The following PPP2R2B variants were observed in gnomAD, a reference collection of about 807,000 sequenced individuals.
The protein encoded by PPP2R2B is protein phosphatase 2 regulatory subunit Bbeta, also known as serine/threonine-protein phosphatase 2A 55 kDa regulatory subunit B beta isoform.
PPP2R2B carries 5 observed loss-of-function variants against 46.0 expected under a neutral mutation model. That is an observed-to-expected ratio of 0.11 (90% CI 0.06 to 0.23). PPP2R2B has a LOEUF of 0.23. Ranked by LOEUF, PPP2R2B falls within the 10% of genes least tolerant of loss-of-function variation. The pLI is 1.00. For synonymous variants in PPP2R2B, 215 were observed against 206.7 expected (o/e 1.04, Z -0.34); for missense variants, 367 against 575.0 (o/e 0.64, Z 3.70).
chr5:146,716,652 C>T (rs1780517694), intron 2 of PPP2R2B, among the ~76,000 whole-genome samples: 1 of 152,204 alleles, frequency 6.6e-6, no homozygotes. Flanking sequence ...TACTACCCTG[C>T]ATTCAGACCT....
intron 2 of PPP2R2B, among the ~76,000 whole-genome samples, chr5:146,762,986 C>T (rs577434533): frequency 5.3e-5 from 8 of 152,296 alleles, no homozygotes; most frequent in Non-Finnish European, 7.3e-5. Flanking sequence ...TAATGTGCCC[C>T]GCACATCAGT....
At chr5:146,926,587 A>ATACC (rs1763790344) in intron 1 of PPP2R2B, among the ~76,000 whole-genome samples, 1 of 152,036 alleles carries the variant, frequency 6.6e-6, no homozygotes, top group South Asian at 2.1e-4. Flanking sequence ...CTGTGTCTGT[A>ATACC]TAGCCTTAGT....
chr5:146,913,907 C>T (rs570711080), intron 1 of PPP2R2B, among the ~76,000 whole-genome samples: 8 of 152,272 alleles, frequency 5.3e-5, no homozygotes, highest in African/African-American at 1.4e-4. Flanking sequence ...TTACTACTTA[C>T]GTGGTCTTTG....
At chr5:146,785,420 C>A (rs969179413) in intron 2 of PPP2R2B, among the ~76,000 whole-genome samples, 5 of 152,008 alleles carry the variant, frequency 3.3e-5, no homozygotes, top group Non-Finnish European at 5.9e-5. Flanking sequence ...TGGTAGTGCA[C>A]ACCTGTAATC....
chr5:146,713,929 G>A (rs1780342624), intron 2 of PPP2R2B, among the ~76,000 whole-genome samples: 1 of 152,102 alleles, frequency 6.6e-6, no homozygotes, highest in South Asian at 2.1e-4. Context: ...CAGGAGAGGG[G>A]ATTGAGCTGG....
chr5:146,790,093 T>C (rs1195419351), intron 2 of PPP2R2B, among the ~76,000 whole-genome samples: 1 of 152,186 alleles, frequency 6.6e-6, no homozygotes, highest in Non-Finnish European at 1.5e-5. Context: ...GGAAATAATG[T>C]AGTCTAGTTA....
At chr5:146,867,363 T>C (rs1761371087) in intron 2 of PPP2R2B, among the ~76,000 whole-genome samples, 1 of 152,238 alleles carries the variant, frequency 6.6e-6, no homozygotes, top group African/African-American at 2.4e-5. Context: ...GGTAAGGTCT[T>C]GATTCTTCAT....
chr5:146,875,704 A>G (rs1386840175), intron 2 of PPP2R2B, among the ~76,000 whole-genome samples: 1 of 152,254 alleles, frequency 6.6e-6, no homozygotes, highest in African/African-American at 2.4e-5. Flanking sequence ...GAAACAGAAA[A>G]GCAAGATCTA....
intron 1 of PPP2R2B, among the ~76,000 whole-genome samples, chr5:146,995,402 GA>G (rs1407045689): frequency 3.9e-5 from 6 of 152,180 alleles, no homozygotes; most frequent in Admixed American, 1.3e-4. Context: ...GGGCCACAAG[GA>G]AGTGTGTATT....
intron 1 of PPP2R2B, among the ~76,000 whole-genome samples, chr5:146,900,655 G>A (rs912096650): frequency 1.4e-5 from 2 of 147,404 alleles, no homozygotes; most frequent in Non-Finnish European, 3.0e-5. Flanking sequence ...CGGGCTACAG[G>A]ATGTGTGCAG....
intron 2 of PPP2R2B, among the ~76,000 whole-genome samples, chr5:146,832,946 T>C (rs567258870): frequency 2.0e-5 from 3 of 152,080 alleles, no homozygotes; most frequent in African/African-American, 4.8e-5. Flanking sequence ...AACATATCCC[T>C]ATCATTAACT....
Position 146,692,971 on chromosome 5 carries a change from G to A in PPP2R2B, c.335-1731C>T, listed in dbSNP as rs578008792. ...ACATATCTTTTTGAAGGCAGAACTT[G>A]GTTGCCTTCTTTGTATCTTCCTCTG... On this transcript the variant is annotated intron_variant, in intron 4 of 9. Coordinates refer to ENST00000394411, the MANE Select transcript of PPP2R2B (RefSeq NM_181675.4). 5.3e-5 allele frequency among the ~76,000 whole-genome samples: 8 copies of A among 152,248 alleles called. No homozygotes were observed. In the South Asian group the frequency reaches 1.7e-3, roughly 32 times the overall value.
intron 1 of PPP2R2B, among the ~76,000 whole-genome samples, chr5:147,011,150 C>T (rs1754712049): frequency 6.6e-6 from 1 of 152,150 alleles, no homozygotes; most frequent in South Asian, 2.1e-4. Flanking sequence ...CACAGGCACA[C>T]TCATGGCCTT....
intron 1 of PPP2R2B, among the ~76,000 whole-genome samples, chr5:146,989,591 C>A (rs1249880083): frequency 1.3e-5 from 2 of 151,990 alleles, no homozygotes; most frequent in Admixed American, 6.6e-5. Flanking sequence ...TATAAAGGAA[C>A]ATACCTCGAT....
chr5:146,852,132 C>T (rs80192862), intron 2 of PPP2R2B, among the ~76,000 whole-genome samples: 1 of 151,944 alleles, frequency 6.6e-6, no homozygotes, highest in African/African-American at 2.4e-5. Flanking sequence ...GAAAGGGGAC[C>T]AATAACAGCA....
chr5:146,959,740 A>G (rs759687742), intron 1 of PPP2R2B, among the ~76,000 whole-genome samples: 2 of 152,148 alleles, frequency 1.3e-5, no homozygotes, highest in Non-Finnish European at 2.9e-5. Flanking sequence ...GAAACAGACA[A>G]ATAGACAAGA....
At chr5:146,705,089 T>C (rs1183651173) in intron 2 of PPP2R2B, among the ~76,000 whole-genome samples, 1 of 152,196 alleles carries the variant, frequency 6.6e-6, no homozygotes. Flanking sequence ...ACCAGGTCAC[T>C]AGCACTGACC....
intron 2 of PPP2R2B, among the ~76,000 whole-genome samples, chr5:146,781,565 G>T (rs1452235095): frequency 6.7e-6 from 1 of 150,356 alleles, no homozygotes. Flanking sequence ...TAATACTCAG[G>T]CAAGGCATTT....
chr5:147,011,423 A>G (rs1754727887), intron 1 of PPP2R2B, among the ~76,000 whole-genome samples: 3 of 152,140 alleles, frequency 2.0e-5, no homozygotes, highest in Admixed American at 6.6e-5. Flanking sequence ...ACTATATATA[A>G]CTATACAACT....
Sources: allele counts gnomAD v4.1 joint callset (sites outside exome capture counted in the v4.1 genomes callset), GRCh38; gene constraint gnomAD v4.1.1; transcripts MANE v1.5; gene names NCBI Gene and HGNC (gene_info 2026-07-23, HGNC 2026-07-21).